Variants in GPC5 observed in about 807,000 individuals in gnomAD.
GPC5 encodes the protein glypican 5.
In GPC5, 47 loss-of-function variants were observed where a neutral mutation model predicts 53.9. The ratio of observed to expected loss-of-function variants is 0.87; its 90% CI spans 0.69 to 1.11. GPC5 has a LOEUF of 1.11. Among genes scored for constraint, GPC5 ranks in the 50% most tolerant of loss-of-function variants. The pLI, the probability that GPC5 is intolerant of heterozygous loss-of-function variation, is 0.00. For missense variants in GPC5, 748 were observed against 713.1 expected (o/e 1.05, Z -0.56); for synonymous variants, 286 against 263.3 (o/e 1.09, Z -0.84).
intron 7 of GPC5, among the ~76,000 whole-genome samples, chr13:92,267,981 T>A (rs1166046401): frequency 6.6e-6 from 1 of 152,118 alleles, no homozygotes; most frequent in Non-Finnish European, 1.5e-5. Context: ...AAAGAACTTG[T>A]GGTTCCTTGA....
At chr13:92,487,494 C>T (rs1255192353) in intron 7 of GPC5, among the ~76,000 whole-genome samples, 2 of 152,094 alleles carry the variant, frequency 1.3e-5, no homozygotes, top group Admixed American at 6.5e-5. Context: ...TAATACTTAT[C>T]TATAAGATGG....
chr13:92,230,507 A>G (rs1034651871), intron 7 of GPC5, among the ~76,000 whole-genome samples: 1 of 152,106 alleles, frequency 6.6e-6, no homozygotes, highest in Non-Finnish European at 1.5e-5. Flanking sequence ...CACCAAATCT[A>G]CTTCTTGACA....
At chr13:92,640,144 G>C (rs761492367) in intron 7 of GPC5, among the ~76,000 whole-genome samples, 1 of 151,318 alleles carries the variant, frequency 6.6e-6, no homozygotes, top group Admixed American at 6.6e-5. Flanking sequence ...ATATATACAC[G>C]TGTGTATGTA....
At chr13:91,575,157 A>G (rs2032085320) in intron 2 of GPC5, among the ~76,000 whole-genome samples, 1 of 152,152 alleles carries the variant, frequency 6.6e-6, no homozygotes, top group South Asian at 2.1e-4. Context: ...TGTCTATTCT[A>G]GTTCTATCCA....
At chr13:92,323,157 T>C (rs113427055) in intron 7 of GPC5, among the ~76,000 whole-genome samples, 2,687 of 151,352 alleles carry the variant, frequency 0.018, 91 homozygotes, top group African/African-American at 0.062. Flanking sequence ...GAAATCACAG[T>C]TTCAATATCA....
At chr13:92,081,937 T>C (rs2138882007) in intron 6 of GPC5, among the ~76,000 whole-genome samples, 1 of 152,236 alleles carries the variant, frequency 6.6e-6, no homozygotes, top group Middle Eastern at 3.4e-3. Flanking sequence ...TATATGAAAG[T>C]AGACATATAA....
At chr13:91,614,718 A>G (rs1207949834) in intron 2 of GPC5, among the ~76,000 whole-genome samples, 1 of 152,162 alleles carries the variant, frequency 6.6e-6, no homozygotes, top group Non-Finnish European at 1.5e-5. Context: ...CAGTGGAGTT[A>G]TAAAACTTCT....
rs548879482 is a variant in GPC5, at chr13:92,578,386, A to T, written c.1562-287896A>T. Among the ~76,000 whole-genome samples the T allele has an allele frequency of 1.8e-4, 27 of 152,314 alleles. No homozygotes were observed. The South Asian group carries it at 3.9e-3, about 22-fold the overall frequency. Reference sequence around the variant, plus strand: ...CAGAGAAACAGAACAAATGTGATACAGATAGATTAGATAAATTGGTATAAA... The same window carrying T: ...CAGAGAAACAGAACAAATGTGATACTGATAGATTAGATAAATTGGTATAAA... On this transcript the variant is annotated intron_variant, in intron 7 of 7. Transcript: ENST00000377067.
intron 6 of GPC5, among the ~76,000 whole-genome samples, chr13:92,130,073 G>A (rs2041730621): frequency 6.6e-6 from 1 of 152,052 alleles, no homozygotes; most frequent in Non-Finnish European, 1.5e-5. Flanking sequence ...AAAGAGCACA[G>A]ATAAGTATTC....
chr13:92,295,139 C>T (rs933718443), intron 7 of GPC5, among the ~76,000 whole-genome samples: 10 of 151,928 alleles, frequency 6.6e-5, no homozygotes, highest in African/African-American at 9.7e-5. Context: ...CCAAACTTTT[C>T]GATGTAGGCA....
At chr13:91,751,710 A>G (rs531543720) in intron 4 of GPC5, among the ~76,000 whole-genome samples, 1 of 152,194 alleles carries the variant, frequency 6.6e-6, no homozygotes, top group Non-Finnish European at 1.5e-5. Context: ...AAACAAGCTC[A>G]TTACCACAAA....
chr13:91,561,366 A>G (rs1411961067), intron 2 of GPC5, among the ~76,000 whole-genome samples: 1 of 152,192 alleles, frequency 6.6e-6, no homozygotes, highest in Non-Finnish European at 1.5e-5. Flanking sequence ...GCAATACTGC[A>G]TCTTTGGGGG....
At chr13:92,286,932 G>A (rs945007374) in intron 7 of GPC5, among the ~76,000 whole-genome samples, 3 of 151,998 alleles carry the variant, frequency 2.0e-5, no homozygotes, top group Non-Finnish European at 2.9e-5. Flanking sequence ...GAAAATACAC[G>A]GAAGAAAAAC....
At chr13:92,416,629 TGTA>T (rs1876308598) in intron 7 of GPC5, among the ~76,000 whole-genome samples, 1 of 151,996 alleles carries the variant, frequency 6.6e-6, no homozygotes, top group South Asian at 2.1e-4. Flanking sequence ...TTAGAAAAAA[TGTA>T]GGAATAAATC....
intron 7 of GPC5, among the ~76,000 whole-genome samples, chr13:92,197,464 C>G (rs1422551522): frequency 6.6e-6 from 1 of 151,992 alleles, no homozygotes; most frequent in African/African-American, 2.4e-5. Context: ...AATCTTTGCT[C>G]AAATCACTTG....
chr13:91,791,406 A>C (rs1329465075), intron 5 of GPC5, among the ~76,000 whole-genome samples: 1 of 152,058 alleles, frequency 6.6e-6, no homozygotes, highest in Non-Finnish European at 1.5e-5. Flanking sequence ...ATGCTGTAGC[A>C]CTCCAAAATC....
chr13:92,841,031 TA>T (rs1043969547), intron 7 of GPC5, among the ~76,000 whole-genome samples: 4 of 152,272 alleles, frequency 2.6e-5, no homozygotes, highest in African/African-American at 9.6e-5. Flanking sequence ...TTTCTACATA[TA>T]AGGTCAAGTC....
At chr13:92,030,673 A>C (rs2138805318) in intron 6 of GPC5, among the ~76,000 whole-genome samples, 1 of 152,206 alleles carries the variant, frequency 6.6e-6, no homozygotes, top group East Asian at 1.9e-4. Context: ...CATTCTCAGC[A>C]TTCATATTGA....
chr13:92,584,159 T>C (rs1594322725), intron 7 of GPC5, among the ~76,000 whole-genome samples: 1 of 152,296 alleles, frequency 6.6e-6, no homozygotes, highest in African/African-American at 2.4e-5. Context: ...ACTTTGGAAC[T>C]GGATAACAGG....
Sources: gnomAD v4.1 joint callset for allele counts (sites outside exome capture counted in the v4.1 genomes callset) on GRCh38, gnomAD v4.1.1 for gene constraint, MANE v1.5 for transcripts, NCBI Gene and HGNC (gene_info 2026-07-23, HGNC 2026-07-21) for gene names.